GAP43: variants seen among roughly 807,000 people sequenced by gnomAD.
GAP43 encodes neuromodulin.
A neutral mutation model predicts 18.6 loss-of-function variants in GAP43; 6 were observed. That is an observed-to-expected ratio of 0.32 (90% CI 0.18 to 0.64). GAP43 has a LOEUF of 0.64. GAP43 is among the 30% of genes least tolerant of loss of function. GAP43 has a pLI of 0.78. For missense variants in GAP43, 292 were observed against 295.5 expected, an observed-to-expected ratio of 0.99 and a Z score of 0.09; for synonymous variants, 115 against 111.4, an observed-to-expected ratio of 1.03 and a Z score of -0.20.
intron 2 of GAP43, among the ~76,000 whole-genome samples, chr3:115,689,142 A>G (rs1709071130): frequency 6.6e-6 from 1 of 152,180 alleles, no homozygotes; most frequent in Admixed American, 6.5e-5. Flanking sequence ...TCCCTTACTC[A>G]GACAAGTCTT....
At chr3:115,675,665 A>G (rs1409073241) in intron 1 of GAP43, among the ~76,000 whole-genome samples, 1 of 145,644 alleles carries the variant, frequency 6.9e-6, no homozygotes, top group East Asian at 2.2e-4. Context: ...AGGTCAAGGC[A>G]GGAGAATTGC....
chr3:115,645,434 A>T (rs1482460294), intron 1 of GAP43, among the ~76,000 whole-genome samples: 1 of 152,040 alleles, frequency 6.6e-6, no homozygotes, highest in Non-Finnish European at 1.5e-5. Context: ...TAGAGACCAA[A>T]GAAGGATCAG....
intron 2 of GAP43, 23 bp from the exon 3 acceptor site, chr3:115,720,771 T>C: frequency 1.9e-6 from 3 of 1,555,366 alleles, no homozygotes; most frequent in South Asian, 2.2e-5. Flanking sequence ...TTTCCCCCCA[T>C]CCTATCTTGT....
At chr3:115,716,914 G>C (rs1337454140) in intron 2 of GAP43, among the ~76,000 whole-genome samples, 1 of 151,316 alleles carries the variant, frequency 6.6e-6, no homozygotes, top group Non-Finnish European at 1.5e-5. Context: ...AATCTCCAAA[G>C]TTGTATGGGT....
At chr3:115,719,009 A>G (rs1709544775) in intron 2 of GAP43, among the ~76,000 whole-genome samples, 2 of 152,154 alleles carry the variant, frequency 1.3e-5, no homozygotes, top group South Asian at 4.1e-4. Flanking sequence ...CTCAACATCT[A>G]TGTACAGTAA....
Position 115,690,904 on chromosome 3 carries a change from C to T in GAP43, c.628+14294C>T, listed in dbSNP as rs370751542. 3.7e-3 allele frequency among the ~76,000 whole-genome samples: 558 copies of T among 151,910 alleles called. 6 individuals carry two copies. Among genetic ancestry groups the T allele is most frequent in the African/African-American group, 0.013 (536 of 41,442 alleles). Reference sequence around the variant, plus strand: ...CTGAGTAGCTGGGACTACAGGCACCCGCCACCATGCCCGGCTAACTTTTTG... The same window carrying T: ...CTGAGTAGCTGGGACTACAGGCACCTGCCACCATGCCCGGCTAACTTTTTG... On this transcript the variant is annotated intron_variant, in intron 2 of 2. Transcript: ENST00000305124.
At chr3:115,668,290 C>G (rs1708759070) in intron 1 of GAP43, among the ~76,000 whole-genome samples, 1 of 152,148 alleles carries the variant, frequency 6.6e-6, no homozygotes, top group African/African-American at 2.4e-5. Context: ...GGGAAGGAGA[C>G]TTCCTTCCTT....
intron 1 of GAP43, among the ~76,000 whole-genome samples, chr3:115,651,500 C>G (rs1708518120): frequency 6.6e-6 from 1 of 152,106 alleles, no homozygotes; most frequent in African/African-American, 2.4e-5. Context: ...CATTTGATGC[C>G]TAACCTCGGC....
intron 1 of GAP43, chr3:115,663,483 T>C (rs1001045500): frequency 3.5e-6 from 4 of 1,140,872 alleles, no homozygotes; most frequent in Non-Finnish European, 4.3e-6. Flanking sequence ...CCAGTATTGC[T>C]TTCCCTGCTC....
At chr3:115,703,277 G>C (rs1463642822) in intron 2 of GAP43, among the ~76,000 whole-genome samples, 1 of 152,064 alleles carries the variant, frequency 6.6e-6, no homozygotes, top group African/African-American at 2.4e-5. Flanking sequence ...TTTTATGATT[G>C]AAGAGGAAAA....
intron 1 of GAP43, among the ~76,000 whole-genome samples, chr3:115,669,056 A>AG (rs1180948968): frequency 6.8e-6 from 1 of 147,096 alleles, no homozygotes; most frequent in African/African-American, 2.5e-5. Context: ...AAAAAAAAAA[A>AG]AGAAAGAAAA....
intron 2 of GAP43, among the ~76,000 whole-genome samples, chr3:115,692,212 G>T (rs1399219220): frequency 6.6e-6 from 1 of 152,184 alleles, no homozygotes; most frequent in Non-Finnish European, 1.5e-5. Context: ...GTGTTTTAAT[G>T]AACGATGAAG....
chr3:115,652,488 A>T (rs1301943646), intron 1 of GAP43, among the ~76,000 whole-genome samples: 1 of 150,344 alleles, frequency 6.7e-6, no homozygotes. Context: ...GGGATCAAGC[A>T]ATTCTCCCAC....
intron 2 of GAP43, among the ~76,000 whole-genome samples, chr3:115,698,374 C>A (rs943972729): frequency 2.4e-5 from 3 of 123,486 alleles, no homozygotes; most frequent in Admixed American, 1.1e-4. Flanking sequence ...GATTAAGTCT[C>A]ATATCATCTA....
intron 2 of GAP43, among the ~76,000 whole-genome samples, chr3:115,696,996 A>C (rs996327062): frequency 6.7e-6 from 1 of 148,776 alleles, no homozygotes; most frequent in Non-Finnish European, 1.5e-5. Context: ...CACCCGGCTA[A>C]ATTTTGTAAT....
chr3:115,640,670 G>A (rs1708383817), intron 1 of GAP43, among the ~76,000 whole-genome samples: 1 of 151,960 alleles, frequency 6.6e-6, no homozygotes, highest in Admixed American at 6.6e-5. Context: ...ACAAGTCTCC[G>A]TTACTCTGAT....
intron 1 of GAP43, among the ~76,000 whole-genome samples, chr3:115,674,391 C>T (rs28399382): frequency 0.17 from 26,546 of 152,116 alleles, 2,448 homozygotes; most frequent in Admixed American, 0.27. Context: ...ATGTAGTTGC[C>T]TACACAATTC....
rs138479963 is a variant in GAP43 at position 115,666,852 on chromosome 3, C to A, written c.31-9161C>A. 1.9e-3 allele frequency among the ~76,000 whole-genome samples: 297 copies of A among 152,308 alleles called. 2 individuals carry two copies. Among genetic ancestry groups the A allele is most frequent in the African/African-American group, 6.8e-3 (283 of 41,564 alleles). Reference sequence around the variant, plus strand: ...GACGCTGGACTCCTTCCTGGTTCCTCATCTGTGTTGATTATAAAACAGGCA... The same window carrying A: ...GACGCTGGACTCCTTCCTGGTTCCTAATCTGTGTTGATTATAAAACAGGCA... On this transcript the variant is annotated intron_variant, in intron 1 of 2. Coordinates refer to ENST00000305124, the MANE Select transcript of GAP43 (RefSeq NM_002045.4).
At chr3:115,648,678 G>A (rs1708488594) in intron 1 of GAP43, among the ~76,000 whole-genome samples, 1 of 152,108 alleles carries the variant, frequency 6.6e-6, no homozygotes, top group Non-Finnish European at 1.5e-5. Flanking sequence ...CTGATTGAGA[G>A]CTTATTCATC....
Sources: gnomAD v4.1 joint callset for allele counts (sites outside exome capture counted in the v4.1 genomes callset) on GRCh38, gnomAD v4.1.1 for gene constraint, MANE v1.5 for transcripts, NCBI Gene and HGNC (gene_info 2026-07-23, HGNC 2026-07-21) for gene names.